LEPR: variants seen among roughly 807,000 people sequenced by gnomAD.
The protein encoded by LEPR is OB receptor.
A neutral mutation model predicts 114.7 loss-of-function variants in LEPR; 56 were observed. That is an observed-to-expected ratio of 0.49 (90% CI 0.39 to 0.61). The LOEUF is 0.61. Among genes scored for constraint, LEPR ranks in the 20% least tolerant of loss-of-function variants. LEPR has a pLI of 0.00. For synonymous variants in LEPR, 443 were observed against 461.4 expected (o/e 0.96, Z 0.51); for missense variants, 1,202 against 1,352.9 (o/e 0.89, Z 1.75).
rs572664684 is a variant in LEPR, at chr1:65,555,405, G to A, written c.-20-10141G>A. On this transcript the variant is annotated intron_variant, in intron 2 of 19. Coordinates refer to ENST00000349533, the MANE Select transcript of LEPR (RefSeq NM_002303.6). ...TCAGAGGAAAGAGTCATGTGGTGCG[G>A]TGACTTGAAAGAGCTGTGGTGAATA... is the stretch of plus-strand genomic sequence containing the variant. 7.9e-5 allele frequency among the ~76,000 whole-genome samples: 12 copies of A among 152,310 alleles called. No homozygotes were observed. In the South Asian group the frequency reaches 2.5e-3, roughly 32 times the overall value.
chr1:65,550,581 G>A (rs1437006126), intron 2 of LEPR, among the ~76,000 whole-genome samples: 1 of 152,208 alleles, frequency 6.6e-6, no homozygotes, highest in African/African-American at 2.4e-5. Context: ...TGCTGTGCTA[G>A]CAATCAGCGA....
At chr1:65,591,935 T>C (rs2100894218) in intron 5 of LEPR, among the ~76,000 whole-genome samples, 1 of 152,108 alleles carries the variant, frequency 6.6e-6, no homozygotes, top group South Asian at 2.1e-4. Flanking sequence ...CTACTTAATA[T>C]CCTTTGTTGC....
chr1:65,434,445 T>C (rs938669708), intron 2 of LEPR: 1 of 985,256 alleles, frequency 1.0e-6, no homozygotes, highest in African/African-American at 1.7e-5. Context: ...CTTTATCATG[T>C]TTCAAACAAG....
intron 2 of LEPR, among the ~76,000 whole-genome samples, chr1:65,552,735 T>C (rs1652497907): frequency 6.6e-6 from 1 of 152,214 alleles, no homozygotes; most frequent in African/African-American, 2.4e-5. Flanking sequence ...AATATTGTTA[T>C]GTGTGAATTT....
chr1:65,553,676 A>C (rs979829397), intron 2 of LEPR, among the ~76,000 whole-genome samples: 2 of 152,030 alleles, frequency 1.3e-5, no homozygotes, highest in African/African-American at 4.8e-5. Context: ...TCTTTAGCTC[A>C]AAGGAGTTTG....
chr1:65,450,797 T>C (rs529147664), intron 2 of LEPR, among the ~76,000 whole-genome samples: 1 of 151,842 alleles, frequency 6.6e-6, no homozygotes, highest in Non-Finnish European at 1.5e-5. Context: ...CACCCAGTAA[T>C]GGGATGGCTG....
At chr1:65,511,058 C>G (rs1649005349) in intron 2 of LEPR, among the ~76,000 whole-genome samples, 1 of 152,114 alleles carries the variant, frequency 6.6e-6, no homozygotes, top group South Asian at 2.1e-4. Context: ...TGTTTTAGAG[C>G]TAAAGAAAAA....
chr1:65,593,813 C>T (rs963836185), intron 6 of LEPR, among the ~76,000 whole-genome samples: 2 of 152,050 alleles, frequency 1.3e-5, no homozygotes, highest in Non-Finnish European at 1.5e-5. Context: ...GCAATTCAAT[C>T]GTGAAGTTAT....
At chr1:65,421,517 T>C (rs1187742328) in intron 1 of LEPR, 2 of 1,530,838 alleles carry the variant, frequency 1.3e-6, no homozygotes, top group East Asian at 2.4e-5. Context: ...TGTTTTTATA[T>C]TGGCTTTTAT....
intron 2 of LEPR, among the ~76,000 whole-genome samples, chr1:65,530,797 C>T (rs1650335596): frequency 6.6e-6 from 1 of 152,078 alleles, no homozygotes; most frequent in African/African-American, 2.4e-5. Context: ...GAATGCAGCC[C>T]AGTAGGTCTC....
At chr1:65,486,259 T>C (rs1426857408) in intron 2 of LEPR, 1 of 152,136 alleles carries the variant, frequency 6.6e-6, no homozygotes, top group Non-Finnish European at 1.5e-5. Context: ...CAAATTTCAC[T>C]CATGAGGCAG....
At chr1:65,483,197 G>A (rs1647304957) in intron 2 of LEPR, among the ~76,000 whole-genome samples, 1 of 151,766 alleles carries the variant, frequency 6.6e-6, no homozygotes, top group Non-Finnish European at 1.5e-5. Flanking sequence ...TTGTGTGTGT[G>A]TGCGTGTGTG....
Position 65,623,018 on chromosome 1 carries a change from C to A in LEPR, c.2673+37C>A, listed in dbSNP as rs12067936. The A allele has an allele frequency of 0.41, 651,578 of 1,592,948 alleles. 140,401 individuals are homozygous for A. The highest frequency in any genetic ancestry group is 0.87 in the East Asian group (38,811 of 44,700). On this transcript the variant is annotated intron_variant, in intron 19 of 19. Coordinates refer to ENST00000349533, the MANE Select transcript of LEPR (RefSeq NM_002303.6). ...AATTTTTTTTAACCCAGAATATATACGATTGCAATCTAGACGCCATATGAC... is the reference window on the plus strand; with the variant it reads ...AATTTTTTTTAACCCAGAATATATAAGATTGCAATCTAGACGCCATATGAC...
intron 19 of LEPR, among the ~76,000 whole-genome samples, chr1:65,627,345 TAC>T (rs1333503076): frequency 2.0e-5 from 3 of 152,182 alleles, no homozygotes; most frequent in African/African-American, 7.2e-5. Flanking sequence ...CCAAAGAAGA[TAC>T]ACAAATAGCC....
intron 2 of LEPR, among the ~76,000 whole-genome samples, chr1:65,548,409 G>T (rs2100701039): frequency 6.6e-6 from 1 of 152,220 alleles, no homozygotes; most frequent in South Asian, 2.1e-4. Flanking sequence ...ACAGTGGGGT[G>T]TTAAAGTCTC....
intron 5 of LEPR, among the ~76,000 whole-genome samples, chr1:65,585,545 T>C (rs929807207): frequency 1.2e-4 from 18 of 152,004 alleles, no homozygotes; most frequent in African/African-American, 4.1e-4. Flanking sequence ...GCAAAAATGG[T>C]AAAGAGACAA....
intron 14 of LEPR, 99 bp from the exon 15 acceptor site, chr1:65,615,909 T>C: frequency 2.0e-6 from 3 of 1,513,878 alleles, no homozygotes; most frequent in Non-Finnish European, 2.7e-6. Context: ...ATCTGGCCCC[T>C]GCCTCCTAAT....
intron 2 of LEPR, among the ~76,000 whole-genome samples, chr1:65,484,137 A>G (rs547876499): frequency 6.6e-6 from 1 of 152,026 alleles, no homozygotes; most frequent in East Asian, 1.9e-4. Context: ...GATTAAAAGC[A>G]CCAGTCACTG....
chr1:65,618,751 C>T (rs1657695253), intron 16 of LEPR, among the ~76,000 whole-genome samples: 1 of 152,086 alleles, frequency 6.6e-6, no homozygotes, highest in Admixed American at 6.6e-5. Context: ...TTCTTTCTAC[C>T]ATTATTTTTA....
Sources: gnomAD v4.1 joint callset for allele counts (sites outside exome capture counted in the v4.1 genomes callset) on GRCh38, gnomAD v4.1.1 for gene constraint, MANE v1.5 for transcripts, NCBI Gene and HGNC (gene_info 2026-07-23, HGNC 2026-07-21) for gene names.